The following PALM2AKAP2 variants were observed in gnomAD, a reference collection of about 807,000 sequenced individuals.
PALM2AKAP2 encodes PALM2 and AKAP2 fusion, also known as PALM2-AKAP2 fusion protein.
PALM2AKAP2 carries 37 observed loss-of-function variants against 71.5 expected under a neutral mutation model. The observed-to-expected ratio is 0.52, with a 90% CI of 0.40 to 0.68. The LOEUF (loss-of-function observed/expected upper bound fraction) is 0.68, where lower values mean the gene tolerates loss of function less well. Among genes scored for constraint, PALM2AKAP2 ranks in the 30% least tolerant of loss-of-function variants. PALM2AKAP2 has a pLI of 0.00. For missense variants in PALM2AKAP2, 1,224 were observed against 1,191.8 expected, an observed-to-expected ratio of 1.03 and a Z score of -0.40; for synonymous variants, 468 against 478.8, an observed-to-expected ratio of 0.98 and a Z score of 0.29.
At chr9:110,090,511 T>C in intron 1 of PALM2AKAP2, 1 of 449,070 alleles carries the variant, frequency 2.2e-6, no homozygotes, top group Non-Finnish European at 4.5e-6. Flanking sequence ...ATTTCTCTTT[T>C]ATTCTTCAGG....
At chr9:110,170,439 G>A (rs1490622660) in exon 4 of PALM2AKAP2, 4 of 152,422 alleles carry the variant, frequency 2.6e-5, no homozygotes, top group African/African-American at 9.7e-5. Context: ...ACTTTGGGGG[G>A]GGACATTTAT....
rs1588077344 is a variant in PALM2AKAP2, at chr9:110,048,984, A to G, written c.156+129A>G. 1.0e-5 allele frequency: 13 copies of G among 1,258,802 alleles called. No homozygotes were observed. In the East Asian group the frequency reaches 3.7e-4, roughly 36 times the overall value. The allele number at this position is 1,258,802 out of a possible 1,614,324, so 78.0% of individuals were successfully genotyped here. A position where few individuals can be genotyped will look rare whatever the true frequency, so the allele number is the denominator to read the frequency against. On this transcript the variant is annotated intron_variant, in intron 1 of 3. Transcript: ENST00000374525. ...CCTCGGAAGCACCGCGGGCTTTTAA[A>G]GGGCTTTTTGTGGTCCTTGTCGAGC...
At chr9:110,136,312 T>A in exon 2 of PALM2AKAP2, 1 of 1,614,116 alleles carries the variant, frequency 6.2e-7, no homozygotes, top group Non-Finnish European at 8.5e-7. Flanking sequence ...CCATGGACCA[T>A]CCCTCCGCTT....
intron 7 of PALM2AKAP2, among the ~76,000 whole-genome samples, chr9:110,016,824 A>C (rs888148350): frequency 1.3e-5 from 2 of 152,224 alleles, no homozygotes; most frequent in Non-Finnish European, 2.9e-5. Flanking sequence ...GCTACTTATG[A>C]ATTTTTCTTT....
intron 2 of PALM2AKAP2, among the ~76,000 whole-genome samples, chr9:110,144,789 C>G (rs1836122909): frequency 6.6e-6 from 1 of 152,112 alleles, no homozygotes; most frequent in African/African-American, 2.4e-5. Context: ...AAAAATCTTT[C>G]TTTTCAGAGT....
intron 6 of PALM2AKAP2, among the ~76,000 whole-genome samples, chr9:109,957,350 A>T (rs2132103190): frequency 6.6e-6 from 1 of 152,292 alleles, no homozygotes; most frequent in East Asian, 1.9e-4. Context: ...TCCACTATAA[A>T]ACACTCCAGC....
chr9:109,891,296 G>A (rs1830082482), intron 3 of PALM2AKAP2, among the ~76,000 whole-genome samples: 1 of 152,156 alleles, frequency 6.6e-6, no homozygotes, highest in Non-Finnish European at 1.5e-5. Flanking sequence ...AGCATCTTGG[G>A]CAACAACATT....
At chr9:109,641,032 G>T (rs902621091) in intron 1 of PALM2AKAP2, among the ~76,000 whole-genome samples, 6 of 152,234 alleles carry the variant, frequency 3.9e-5, no homozygotes, top group Non-Finnish European at 7.3e-5. Context: ...GGCGGCAGGA[G>T]GCAAGGGGTG....
chr9:110,168,096 T>C (rs1836779635), intron 3 of PALM2AKAP2, among the ~76,000 whole-genome samples: 1 of 152,112 alleles, frequency 6.6e-6, no homozygotes. Context: ...ATCTGCTTTA[T>C]CTGAAAACTT....
At chr9:109,732,187 C>T (rs542035370) in intron 1 of PALM2AKAP2, among the ~76,000 whole-genome samples, 3 of 152,298 alleles carry the variant, frequency 2.0e-5, no homozygotes, top group Non-Finnish European at 4.4e-5. Context: ...AAAGACATTG[C>T]ACGTAAGAAT....
chr9:110,074,197 C>T (rs1357261404), intron 1 of PALM2AKAP2, among the ~76,000 whole-genome samples: 3 of 152,126 alleles, frequency 2.0e-5, no homozygotes, highest in African/African-American at 7.2e-5. Context: ...CTTTAGAAGT[C>T]CCAAATTAGC....
At position 109,951,607 on chromosome 9, in the gene PALM2AKAP2, A is replaced by G. The variant is rs116173753; in HGVS notation, c.496+19579A>G. Among the ~76,000 whole-genome samples the G allele has an allele frequency of 3.1e-3, 465 of 152,274 alleles. 1 individual carries two copies. Among genetic ancestry groups the G allele is most frequent in the African/African-American group, 0.011 (442 of 41,554 alleles). ...ACTAACCCAGTGCCTCTCAAACTCCAGTGTGCTTCAGAATCACCCGGGGGT... is the reference window on the plus strand; with the variant it reads ...ACTAACCCAGTGCCTCTCAAACTCCGGTGTGCTTCAGAATCACCCGGGGGT... On this transcript the variant is annotated intron_variant, in intron 6 of 9. Coordinates refer to the PALM2AKAP2 transcript ENST00000302798.
intron 1 of PALM2AKAP2, among the ~76,000 whole-genome samples, chr9:110,098,410 A>G (rs1192172280): frequency 1.3e-5 from 2 of 152,204 alleles, no homozygotes; most frequent in Non-Finnish European, 2.9e-5. Flanking sequence ...AAAACTACAT[A>G]CTGTGATGGT....
chr9:109,701,127 T>C (rs916519682), intron 1 of PALM2AKAP2, among the ~76,000 whole-genome samples: 33 of 152,176 alleles, frequency 2.2e-4, no homozygotes, highest in African/African-American at 7.7e-4. Context: ...AACAAAACAA[T>C]CTACAAGATA....
intron 1 of PALM2AKAP2, among the ~76,000 whole-genome samples, chr9:109,743,134 C>A (rs1828740951): frequency 6.6e-6 from 1 of 152,112 alleles, no homozygotes; most frequent in Non-Finnish European, 1.5e-5. Flanking sequence ...TTTCTCTATT[C>A]ACCCAACCTC....
At chr9:109,947,856 G>A (rs1831546693) in intron 6 of PALM2AKAP2, among the ~76,000 whole-genome samples, 1 of 152,192 alleles carries the variant, frequency 6.6e-6, no homozygotes, top group East Asian at 1.9e-4. Flanking sequence ...GCATAAGTAA[G>A]ACATAGGTGT....
intron 2 of PALM2AKAP2, among the ~76,000 whole-genome samples, chr9:110,151,179 A>G (rs1836304162): frequency 6.6e-6 from 1 of 152,014 alleles, no homozygotes; most frequent in African/African-American, 2.4e-5. Context: ...CCCCTTCTGT[A>G]TTCATTTACT....
chr9:110,016,103 GGTTTT>G, intron 7 of PALM2AKAP2, 64 bp downstream of exon 7: 3 of 1,499,674 alleles, frequency 2.0e-6, no homozygotes, highest in Non-Finnish European at 2.8e-6. Context: ...GCCGATGGCA[GGTTTT>G]TCTGGGGGCA....
At chr9:109,796,153 C>T (rs773798700) in intron 1 of PALM2AKAP2, among the ~76,000 whole-genome samples, 1 of 152,060 alleles carries the variant, frequency 6.6e-6, no homozygotes, top group Non-Finnish European at 1.5e-5. Context: ...ACCTATGGGT[C>T]GCTTTTCAGA....
Sources: allele counts gnomAD v4.1 joint callset (sites outside exome capture counted in the v4.1 genomes callset), GRCh38; gene constraint gnomAD v4.1.1; transcripts MANE v1.5; gene names NCBI Gene and HGNC (gene_info 2026-07-23, HGNC 2026-07-21).